NRG2: variants seen among roughly 807,000 people sequenced by gnomAD.
NRG2 encodes the protein pro-neuregulin-2, membrane-bound isoform.
A neutral mutation model predicts 73.9 loss-of-function variants in NRG2; 27 were observed. The observed-to-expected ratio is 0.37, with a 90% CI of 0.27 to 0.50. The LOEUF (loss-of-function observed/expected upper bound fraction) is 0.50. Among genes scored for constraint, NRG2 ranks in the 20% least tolerant of loss-of-function variants. The probability of loss-of-function intolerance (pLI) is 0.96; values close to 1 mark genes in which losing one functional copy is unlikely to be tolerated. For synonymous variants in NRG2, 532 were observed against 541.0 expected (o/e 0.98, Z 0.23); for missense variants, 1,126 against 1,210.1 (o/e 0.93, Z 1.03).
intron 1 of NRG2, among the ~76,000 whole-genome samples, chr5:140,024,149 G>A (rs1452547270): frequency 1.3e-5 from 2 of 152,090 alleles, no homozygotes; most frequent in Admixed American, 1.3e-4. Flanking sequence ...CAGGGCAGAG[G>A]GACGAGGTTA....
At chr5:139,918,187 A>G (rs1443241702) in intron 1 of NRG2, among the ~76,000 whole-genome samples, 1 of 152,158 alleles carries the variant, frequency 6.6e-6, no homozygotes, top group Non-Finnish European at 1.5e-5. Flanking sequence ...ATGTGGATGG[A>G]TTGCAGTCTG....
At chr5:139,876,181 A>T (rs1763165064) in intron 3 of NRG2, among the ~76,000 whole-genome samples, 1 of 152,238 alleles carries the variant, frequency 6.6e-6, no homozygotes, top group African/African-American at 2.4e-5. Flanking sequence ...ATTTAGCCAT[A>T]AAAAGGAATG....
At position 139,852,495 on chromosome 5, in the gene NRG2, G is replaced by A. The variant is rs773665686; in HGVS notation, c.1481C>T (p.Ser494Phe). ...VIRRETETTF[S>F]GSHSCSPSHH... is the part of the protein sequence containing the mutation. The stretch of plus-strand genomic sequence containing the variant: ...AGAAGGAGAACAGGAGTGGCTCCCA[G>A]AGAAGGTGGTCTCAGTTTCTCTCCT... Residue 494 changes from serine (S) to phenylalanine (F), a missense_variant, in exon 8 of 10, where the codon TCT (serine) becomes TTT (phenylalanine). Coordinates refer to ENST00000361474, the MANE Select transcript of NRG2 (RefSeq NM_004883.3). The surrounding 1 kb of genome is among the most constrained non-coding windows in gnomAD (Gnocchi z 4.4). 6.2e-7 allele frequency: 1 copy of A among 1,614,224 alleles called. No homozygotes were observed. The highest frequency in any genetic ancestry group is 1.7e-5 in the Admixed American group (1 of 60,026).
intron 1 of NRG2, among the ~76,000 whole-genome samples, chr5:139,895,748 A>G (rs914556102): frequency 6.6e-6 from 1 of 152,230 alleles, no homozygotes; most frequent in African/African-American, 2.4e-5. Context: ...TCTGACCACT[A>G]TCATCTCTTC....
At chr5:140,019,042 G>T (rs1760013109) in intron 1 of NRG2, among the ~76,000 whole-genome samples, 1 of 152,190 alleles carries the variant, frequency 6.6e-6, no homozygotes, top group Admixed American at 6.5e-5. Context: ...GGGAATCACG[G>T]GGAGGTGATA....
intron 1 of NRG2, among the ~76,000 whole-genome samples, chr5:140,040,229 T>C (rs1332301948): frequency 6.6e-6 from 1 of 152,188 alleles, no homozygotes; most frequent in Non-Finnish European, 1.5e-5. Flanking sequence ...TTTTTTGCAT[T>C]CTAAAATGTT....
intron 1 of NRG2, among the ~76,000 whole-genome samples, chr5:139,969,408 GA>G (rs1755813280): frequency 6.6e-6 from 1 of 152,254 alleles, no homozygotes; most frequent in African/African-American, 2.4e-5. Context: ...AGGCAAAGCA[GA>G]TTCTGCCTCC....
At chr5:139,955,355 A>C (rs2126480080) in intron 1 of NRG2, among the ~76,000 whole-genome samples, 1 of 152,248 alleles carries the variant, frequency 6.6e-6, no homozygotes, top group African/African-American at 2.4e-5. Context: ...CAGCAGCGGC[A>C]GAGGCCCAGA....
At chr5:139,970,649 A>G (rs1163689868) in intron 1 of NRG2, among the ~76,000 whole-genome samples, 21 of 152,300 alleles carry the variant, frequency 1.4e-4, no homozygotes, top group Non-Finnish European at 4.4e-5. Context: ...TACCTCTGGG[A>G]CCATCTTCTC....
At chr5:139,966,703 G>C (rs1755547445) in intron 1 of NRG2, among the ~76,000 whole-genome samples, 4 of 152,158 alleles carry the variant, frequency 2.6e-5, no homozygotes, top group Non-Finnish European at 5.9e-5. Context: ...GGGTGATGAG[G>C]AGAGGCTGAG....
intron 1 of NRG2, among the ~76,000 whole-genome samples, chr5:139,924,449 C>T (rs766391818): frequency 1.3e-4 from 20 of 152,204 alleles, no homozygotes; most frequent in Admixed American, 9.8e-4. Flanking sequence ...ACTCAACCGG[C>T]TTGTTCTGTT....
intron 1 of NRG2, among the ~76,000 whole-genome samples, chr5:139,992,342 A>G (rs1287860100): frequency 6.6e-6 from 1 of 152,234 alleles, no homozygotes; most frequent in Non-Finnish European, 1.5e-5. Context: ...TATCAAGCTA[A>G]CTGACTAAAT....
In NRG2 at chr5:139,856,185, C is replaced by G. The variant is rs1014466707; in HGVS notation, c.1190-407G>C. ...CAGTGGCCTGGTAGCTGCAAAGAACCTTGGTGGGCCAAGAGGAGTTGTTCT... is the reference window on the plus strand; with the variant it reads ...CAGTGGCCTGGTAGCTGCAAAGAACGTTGGTGGGCCAAGAGGAGTTGTTCT... On this transcript the variant is annotated intron_variant, in intron 5 of 9. Transcript: ENST00000361474. The surrounding 1 kb of genome is among the most constrained non-coding windows in gnomAD (Gnocchi z 4.2). 4.8e-5 allele frequency: 10 copies of G among 206,744 alleles called. No homozygotes were observed. Among genetic ancestry groups the G allele is most frequent in the Admixed American group, 9.9e-5 (2 of 20,256 alleles). The allele number at this position is 206,744 out of a possible 1,614,324, so 12.8% of individuals were successfully genotyped here. A position where few individuals can be genotyped will look rare whatever the true frequency, so the allele number is the denominator to read the frequency against.
At position 139,851,330 on chromosome 5, in the gene NRG2, C is replaced by CT. The variant is rs1435227067; in HGVS notation, c.1772+273dup. Among the ~76,000 whole-genome samples the CT allele has an allele frequency of 5.9e-5, 9 of 152,144 alleles. No individual in the cohort carries two copies. The highest frequency in any genetic ancestry group is 5.9e-4 in the Admixed American group (9 of 15,270). On this transcript the variant is annotated intron_variant, in intron 9 of 9. Transcript: ENST00000361474. The surrounding 1 kb of genome is among the most constrained non-coding windows in gnomAD (Gnocchi z 4.2). ...TTCCAGTGTAACTATTAATAATGTC[C>CT]TTTTTCTAGTGTGAAAAGTGTCCTG...
intron 1 of NRG2, among the ~76,000 whole-genome samples, chr5:140,013,832 T>C (rs645850): frequency 0.26 from 39,270 of 152,094 alleles, 5,727 homozygotes; most frequent in African/African-American, 0.39. Context: ...AACCTCTCCC[T>C]TCTAATTGGT....
At chr5:139,862,244 C>A (rs775305154) in intron 5 of NRG2, among the ~76,000 whole-genome samples, 1 of 152,222 alleles carries the variant, frequency 6.6e-6, no homozygotes, top group Non-Finnish European at 1.5e-5. Flanking sequence ...GGGCTCCTAA[C>A]TGGCCTCCTC....
chr5:139,882,169 C>A (rs1763564630), intron 2 of NRG2, among the ~76,000 whole-genome samples: 1 of 152,134 alleles, frequency 6.6e-6, no homozygotes, highest in Non-Finnish European at 1.5e-5. Flanking sequence ...GTAGAGCCAT[C>A]ATTGCCCTGA....
chr5:139,998,587 G>A (rs188326892), intron 1 of NRG2, among the ~76,000 whole-genome samples: 22 of 152,216 alleles, frequency 1.4e-4, no homozygotes, highest in African/African-American at 5.3e-4. Context: ...CTCCAAGTTT[G>A]GTCTCTACTA....
intron 1 of NRG2, among the ~76,000 whole-genome samples, chr5:139,900,220 T>A (rs925901474): frequency 6.6e-6 from 1 of 152,242 alleles, no homozygotes; most frequent in African/African-American, 2.4e-5. Flanking sequence ...TTATCTCTGG[T>A]CTTACCCTCG....
Sources: gnomAD v4.1 joint callset for allele counts (sites outside exome capture counted in the v4.1 genomes callset) on GRCh38, gnomAD v4.1.1 for gene constraint, Gnocchi (gnomAD v3.1) non-coding constraint, MANE v1.5 for transcripts, NCBI Gene and HGNC (gene_info 2026-07-23, HGNC 2026-07-21) for gene names.